The following DNHD1 variants were observed in gnomAD, a reference collection of about 807,000 sequenced individuals.
The protein encoded by DNHD1 is dynein heavy chain domain 1.
In DNHD1, 383 loss-of-function variants were observed where a neutral mutation model predicts 458.1. The ratio of observed to expected loss-of-function variants is 0.84; its 90% CI spans 0.77 to 0.91. The LOEUF (loss-of-function observed/expected upper bound fraction) is 0.91. DNHD1 is among the 40% of genes least tolerant of loss of function. The probability of loss-of-function intolerance (pLI) is 0.00; values close to 1 mark genes in which losing one functional copy is unlikely to be tolerated. For synonymous variants in DNHD1, 2,203 were observed against 2,376.9 expected, an observed-to-expected ratio of 0.93 and a Z score of 2.13; for missense variants, 5,336 against 5,866.1, an observed-to-expected ratio of 0.91 and a Z score of 2.95.
rs553118419 is a variant in DNHD1 at position 6,532,921 on chromosome 11, A to G, written c.2348-106A>G. On this transcript the variant is annotated intron_variant, in intron 12 of 42. Coordinates refer to ENST00000254579, the MANE Select transcript of DNHD1 (RefSeq NM_144666.3). Reference sequence around the variant, plus strand: ...CAACAAGCATTAAATGAGATAATTCATGGTCTGACCTGCCATTCAGCCTAC... The same window carrying G: ...CAACAAGCATTAAATGAGATAATTCGTGGTCTGACCTGCCATTCAGCCTAC... 22 of 1,045,398 alleles carry G rather than the reference A, an allele frequency of 2.1e-5. No individual in the cohort carries two copies. In the African/African-American group the frequency reaches 3.4e-4, roughly 16 times the overall value. 64.8% of individuals were successfully genotyped at this position (1,045,398 alleles called of 1,614,324 possible). A position where few individuals can be genotyped will look rare whatever the true frequency, so the allele number is the denominator to read the frequency against.
At chr11:6,514,405 C>G (rs1459978982) in intron 7 of DNHD1, among the ~76,000 whole-genome samples, 2 of 152,124 alleles carry the variant, frequency 1.3e-5, no homozygotes, top group Non-Finnish European at 2.9e-5. Flanking sequence ...CACCTGGCCT[C>G]AGTTGCCTTT....
intron 38 of DNHD1, 26 bp from the exon 39 acceptor site, chr11:6,568,639 G>A: frequency 6.2e-7 from 1 of 1,613,908 alleles, no homozygotes; most frequent in Non-Finnish European, 8.5e-7. Flanking sequence ...GTGCTGTGCT[G>A]ACTCAGCACT....
At position 6,567,825 on chromosome 11, in the gene DNHD1, A is replaced by G. The variant is rs763456310; in HGVS notation, c.12316A>G (p.Thr4106Ala). The G allele has an allele frequency of 8.1e-6, 13 of 1,612,898 alleles. No homozygotes were observed. The highest frequency in any genetic ancestry group is 1.1e-5 in the Non-Finnish European group (13 of 1,179,818). ...GHPSATLHPLTVIQKLAAKYQ... is the reference protein window; with the variant it reads ...GHPSATLHPLAVIQKLAAKYQ... ...CCCCTCAGCCACTCTGCATCCTCTG[A>G]CTGTCATCCAGAAACTGGCTGCCAA... The change falls in exon 36 of 43, where the codon ACT (threonine) becomes GCT (alanine). Residue 4106 changes from threonine (T) to alanine (A), a missense_variant. Transcript: ENST00000254579.
Position 6,546,663 on chromosome 11 carries a change from G to GGAT in DNHD1, c.5725_5726insATG (p.Glu1908_Ala1909insAsp), listed in dbSNP as rs771396975. The GGAT allele has an allele frequency of 1.9e-6, 3 of 1,551,422 alleles. No homozygotes were observed. The African/African-American group carries it at 4.1e-5, about 21-fold the overall frequency. On this transcript the variant is annotated inframe_insertion, in exon 21 of 43. Transcript: ENST00000254579. ...CTCGCAGCCTAGCTGCCATTGAGGA[G>GGAT]GCTGCCCTACTGCGCTCACCACTGT...
intron 3 of DNHD1, among the ~76,000 whole-genome samples, chr11:6,500,095 G>A (rs1343793572): frequency 2.0e-5 from 3 of 152,022 alleles, no homozygotes; most frequent in African/African-American, 7.3e-5. Flanking sequence ...CTCCCGAGTA[G>A]CTGGGATTAC....
At chr11:6,518,167 T>C (rs1852527377) in intron 7 of DNHD1, among the ~76,000 whole-genome samples, 1 of 152,202 alleles carries the variant, frequency 6.6e-6, no homozygotes. Context: ...CAGGTGATCC[T>C]CCCACCTCAG....
At chr11:6,503,108 T>G in intron 4 of DNHD1, 182 bp downstream of exon 4, 2 of 592,232 alleles carry the variant, frequency 3.4e-6, no homozygotes, top group South Asian at 2.6e-5. Context: ...TTCCACTCTC[T>G]ACCTCCCCTT....
Position 6,566,593 on chromosome 11 carries a change from G to GT in DNHD1, c.11215dup (p.Cys3739LeufsTer2). The stretch of plus-strand genomic sequence containing the variant: ...TCTCCCATGTTACCCCAAGTGCTAG[G>GT]TTGTGAACTGCTAAAGGGGCTGAAT... On this transcript the variant is annotated frameshift_variant, in exon 35 of 43. Transcript: ENST00000254579. LOFTEE classifies it high-confidence loss of function. 6.2e-7 allele frequency: 1 copy of GT among 1,613,728 alleles called. No individual in the cohort carries two copies. The highest frequency in any genetic ancestry group is 8.5e-7 in the Non-Finnish European group (1 of 1,179,812).
At chr11:6,503,068 C>G in intron 4 of DNHD1, 142 bp downstream of exon 4, 1 of 863,130 alleles carries the variant, frequency 1.2e-6, no homozygotes, top group South Asian at 2.1e-5. Flanking sequence ...GTGTCCCTCT[C>G]TCTTCCCTTC....
chr11:6,558,422 A>G (rs1853515874), intron 25 of DNHD1, 63 bp from the exon 26 acceptor site: 16 of 1,543,244 alleles, frequency 1.0e-5, no homozygotes, highest in Non-Finnish European at 1.4e-5. Flanking sequence ...TCTGGCTGGG[A>G]CTGGGGCCAG....
chr11:6,540,189 A>T, intron 18 of DNHD1, 106 bp downstream of exon 18: 1 of 977,830 alleles, frequency 1.0e-6, no homozygotes, highest in Non-Finnish European at 1.5e-6. Context: ...CCAGGGCCCC[A>T]TCCTTACTAG....
At position 6,528,776 on chromosome 11, in the gene DNHD1, G is replaced by T; in HGVS notation, c.2092G>T (p.Val698Leu). Residue 698 changes from valine to leucine, a missense_variant, in exon 11 of 43, where the codon GTG (valine) becomes TTG (leucine). By Grantham distance (32) the Val-to-Leu change is conservative. Transcript: ENST00000254579. ...KIQQALNIQQ[V>L]LLEGVLCKVQ... ...CCAGCAGGCACTGAATATACAACAG[G>T]TGCTGCTGGAGGTGAGAACAGTGGT... The T allele has an allele frequency of 6.4e-7, 1 of 1,551,590 alleles. No homozygotes were observed. The highest frequency in any genetic ancestry group is 8.7e-7 in the Non-Finnish European group (1 of 1,146,892).
rs1170574071 is a variant in DNHD1 at position 6,498,970 on chromosome 11, G to A, written c.746+9G>A. ...GGAAGAAAAGAGACCAGGTAAGTGAGGGACTCAGTCTAGGGCTTGAGCAGA... is the reference window on the plus strand; with the variant it reads ...GGAAGAAAAGAGACCAGGTAAGTGAAGGACTCAGTCTAGGGCTTGAGCAGA... On this transcript the variant is annotated intron_variant, in intron 3 of 42. Coordinates refer to ENST00000254579, the MANE Select transcript of DNHD1 (RefSeq NM_144666.3). The A allele has an allele frequency of 6.3e-7, 1 of 1,589,902 alleles. No homozygotes were observed. The highest frequency in any genetic ancestry group is 1.1e-5 in the South Asian group (1 of 87,090).
At chr11:6,518,016 A>C (rs1250747083) in intron 7 of DNHD1, among the ~76,000 whole-genome samples, 1 of 152,164 alleles carries the variant, frequency 6.6e-6, no homozygotes, top group Non-Finnish European at 1.5e-5. Context: ...GTTTTTATTT[A>C]TCCTCAAACT....
chr11:6,545,310 G>C lies in DNHD1; in HGVS notation c.4371G>C (p.Leu1457Phe), dbSNP rs1274935748. Reference sequence around the variant, plus strand: ...CCTCTCTGGAGAAGTGTCTGCGCTTGGCACTGGTGCACATGCTGCAGGGCT... The same window carrying C: ...CCTCTCTGGAGAAGTGTCTGCGCTTCGCACTGGTGCACATGCTGCAGGGCT... ...WLASLEKCLR[L>F]ALVHMLQGCV... Residue 1457 changes from leucine (L) to phenylalanine (F), a missense_variant, in exon 21 of 43, where the codon TTG becomes TTC. Leu to Phe is a conservative substitution (Grantham distance 22, BLOSUM62 0). Coordinates refer to ENST00000254579, the MANE Select transcript of DNHD1 (RefSeq NM_144666.3). The surrounding 1 kb of genome is among the most constrained non-coding windows in gnomAD (Gnocchi z 4.9). The C allele has an allele frequency of 6.4e-7, 1 of 1,551,754 alleles. No individual in the cohort carries two copies. The highest frequency in any genetic ancestry group is 2.0e-5 in the Admixed American group (1 of 51,006).
intron 10 of DNHD1, among the ~76,000 whole-genome samples, chr11:6,526,086 C>T (rs1278195069): frequency 6.6e-6 from 1 of 151,918 alleles, no homozygotes; most frequent in East Asian, 1.9e-4. Flanking sequence ...AGATCCTTAT[C>T]ACCCATCCCC....
chr11:6,510,956 G>T (rs1159174258), intron 6 of DNHD1, among the ~76,000 whole-genome samples: 2 of 152,128 alleles, frequency 1.3e-5, no homozygotes, highest in Non-Finnish European at 2.9e-5. Context: ...CAAGGAAGAA[G>T]CCTCTGCTGT....
intron 24 of DNHD1, among the ~76,000 whole-genome samples, chr11:6,553,653 A>G (rs932550466): frequency 6.6e-6 from 1 of 152,244 alleles, no homozygotes; most frequent in East Asian, 1.9e-4. Flanking sequence ...CATCAGGGTC[A>G]CAGGATACAG....
Position 6,557,096 on chromosome 11 carries a change from C to G in DNHD1, c.7801C>G (p.Leu2601Val). 1 of 1,551,750 alleles carries G rather than the reference C, an allele frequency of 6.4e-7. No individual in the cohort carries two copies. Among genetic ancestry groups the G allele is most frequent in the South Asian group, 1.2e-5 (1 of 84,064 alleles). Residue 2601 changes from leucine to valine, a missense_variant, in exon 25 of 43, where the codon CTG (leucine) becomes GTG (valine). Coordinates refer to ENST00000254579, the MANE Select transcript of DNHD1 (RefSeq NM_144666.3). Reference protein sequence around the residue: ...LHSVSHLLSSLQLLPNRTGSR... With the variant: ...LHSVSHLLSSVQLLPNRTGSR... Reference sequence around the variant, plus strand: ...CTCTGTGAGCCACCTACTGAGCAGCCTGCAGCTGCTGCCCAACAGAACAGG... The same window carrying G: ...CTCTGTGAGCCACCTACTGAGCAGCGTGCAGCTGCTGCCCAACAGAACAGG...
Sources: gnomAD v4.1 joint callset for allele counts (sites outside exome capture counted in the v4.1 genomes callset) on GRCh38, gnomAD v4.1.1 for gene constraint, Gnocchi (gnomAD v3.1) non-coding constraint, MANE v1.5 for transcripts, NCBI Gene and HGNC (gene_info 2026-07-23, HGNC 2026-07-21) for gene names.